The following CLMP variants were observed in gnomAD, a reference collection of about 807,000 sequenced individuals.
CLMP encodes the protein CXADR like cell adhesion molecule.
Under a neutral mutation model 45.2 loss-of-function variants are expected in CLMP, and 27 were observed. The observed-to-expected ratio is 0.60, with a 90% confidence interval of 0.44 to 0.82. CLMP has a LOEUF of 0.82. CLMP is among the 40% of genes least tolerant of loss of function. The pLI, the probability that CLMP is intolerant of heterozygous loss-of-function variation, is 0.00. For synonymous variants in CLMP, 167 were observed against 171.4 expected (o/e 0.97, Z 0.20); for missense variants, 403 against 448.4 (o/e 0.90, Z 0.91).
intron 1 of CLMP, among the ~76,000 whole-genome samples, chr11:123,105,631 C>T (rs1860533503): frequency 6.6e-6 from 1 of 151,254 alleles, no homozygotes; most frequent in East Asian, 2.0e-4. Flanking sequence ...GGTTTTGCCA[C>T]GTTTGTCAGG....
At chr11:123,153,950 T>C (rs1861377112) in intron 1 of CLMP, among the ~76,000 whole-genome samples, 1 of 151,758 alleles carries the variant, frequency 6.6e-6, no homozygotes, top group Admixed American at 6.6e-5. Context: ...CCTCCCAAAG[T>C]GCTAGGATTA....
chr11:123,104,399 T>C (rs545931475), intron 1 of CLMP, among the ~76,000 whole-genome samples: 11 of 149,868 alleles, frequency 7.3e-5, no homozygotes, highest in South Asian at 2.1e-4. Flanking sequence ...ATTTTTTTTT[T>C]CCCCAGACGG....
intron 1 of CLMP, among the ~76,000 whole-genome samples, chr11:123,177,760 A>G (rs545783370): frequency 2.0e-5 from 3 of 152,354 alleles, no homozygotes; most frequent in South Asian, 4.1e-4. Flanking sequence ...TTTCATGGGC[A>G]TATATGAAAC....
chr11:123,085,815 C>T (rs1343832113), intron 2 of CLMP, among the ~76,000 whole-genome samples: 3 of 141,804 alleles, frequency 2.1e-5, no homozygotes, highest in African/African-American at 2.6e-5. Context: ...TCACTCTTGT[C>T]GCCCGGTCTG....
chr11:123,151,365 CT>C (rs1461628269), intron 1 of CLMP, among the ~76,000 whole-genome samples: 2 of 152,230 alleles, frequency 1.3e-5, no homozygotes, highest in Non-Finnish European at 2.9e-5. Flanking sequence ...AGAGAGATGT[CT>C]TTCAGGACAG....
intron 1 of CLMP, among the ~76,000 whole-genome samples, chr11:123,179,960 C>T (rs544775157): frequency 1.3e-5 from 2 of 152,300 alleles, no homozygotes; most frequent in East Asian, 3.9e-4. Context: ...AGTCCTAGGC[C>T]TCACCCTAGA....
chr11:123,081,456 A>G (rs1476784489), intron 5 of CLMP, among the ~76,000 whole-genome samples: 1 of 152,206 alleles, frequency 6.6e-6, no homozygotes, highest in African/African-American at 2.4e-5. Context: ...AAAAGTCTGA[A>G]GTTACTAAAT....
intron 1 of CLMP, among the ~76,000 whole-genome samples, chr11:123,149,496 A>G (rs1212332918): frequency 6.6e-6 from 1 of 152,188 alleles, no homozygotes; most frequent in Admixed American, 6.5e-5. Context: ...TTTATCTTGG[A>G]GTTGACTTCA....
At position 123,129,430 on chromosome 11, in the gene CLMP, TATATATCATATGATATATTATATAAA is replaced by T. The variant is rs1565391364; in HGVS notation, c.29-31504_29-31479del. Among the ~76,000 whole-genome samples the T allele has an allele frequency of 3.2e-4, 31 of 96,550 alleles. No homozygotes were observed. In the South Asian group the frequency reaches 8.1e-3, roughly 25 times the overall value. 63.3% of individuals were successfully genotyped at this position (96,550 alleles called of 152,430 possible). A position where few individuals can be genotyped will look rare whatever the true frequency, so the allele number is the denominator to read the frequency against. ...ATATCATATGATATATTATATAAAA[TATATATCATATGATATATTATATAAA>T]ATATATCATATGATATATTATAGAT... On this transcript the variant is annotated intron_variant, in intron 1 of 6. Coordinates refer to ENST00000448775, the MANE Select transcript of CLMP (RefSeq NM_024769.5).
chr11:123,098,691 A>G (rs1376652601), intron 1 of CLMP, among the ~76,000 whole-genome samples: 1 of 142,606 alleles, frequency 7.0e-6, no homozygotes, highest in East Asian at 2.1e-4. Flanking sequence ...ACATGCCACC[A>G]TCCTGGCTAA....
At chr11:123,125,266 C>T (rs1190549239) in intron 1 of CLMP, among the ~76,000 whole-genome samples, 1 of 152,192 alleles carries the variant, frequency 6.6e-6, no homozygotes, top group Non-Finnish European at 1.5e-5. Context: ...TGTCCCAAAT[C>T]TCCAAGGTCC....
intron 1 of CLMP, among the ~76,000 whole-genome samples, chr11:123,165,160 T>G (rs1477714320): frequency 6.6e-6 from 1 of 152,176 alleles, no homozygotes; most frequent in African/African-American, 2.4e-5. Context: ...ATATCCACCA[T>G]AGCATCTTCT....
At chr11:123,108,965 A>T (rs1014206787) in intron 1 of CLMP, among the ~76,000 whole-genome samples, 7 of 150,380 alleles carry the variant, frequency 4.7e-5, no homozygotes, top group Non-Finnish European at 1.0e-4. Context: ...AGGCTGAGGC[A>T]GGAGAATCGC....
At chr11:123,118,022 G>T (rs1234035859) in intron 1 of CLMP, among the ~76,000 whole-genome samples, 2 of 152,176 alleles carry the variant, frequency 1.3e-5, no homozygotes. Context: ...ATATTCTTAT[G>T]AATGTGTTCA....
rs947975658 is a variant in CLMP at position 123,141,223 on chromosome 11, C to T, written c.29-43271G>A. 1.1e-4 allele frequency among the ~76,000 whole-genome samples: 11 copies of T among 96,736 alleles called. No individual in the cohort carries two copies. In the East Asian group the frequency reaches 1.2e-3, roughly 11 times the overall value. The allele number at this position is 96,736 out of a possible 152,430, so 63.5% of individuals were successfully genotyped here. The stretch of plus-strand genomic sequence containing the variant: ...TTTTTGAGACGAAGTCTCACTTTGT[C>T]GCCCAGGCTGGAGTGCAGTGATACG... On this transcript the variant is annotated intron_variant, in intron 1 of 6. Transcript: ENST00000448775.
At chr11:123,134,185 G>A (rs984972916) in intron 1 of CLMP, among the ~76,000 whole-genome samples, 2 of 151,548 alleles carry the variant, frequency 1.3e-5, no homozygotes, top group African/African-American at 2.4e-5. Context: ...ACTGGAACCT[G>A]GGAGGGGGAG....
chr11:123,142,816 C>A (rs927583376), intron 1 of CLMP, among the ~76,000 whole-genome samples: 1 of 148,692 alleles, frequency 6.7e-6, no homozygotes, highest in Non-Finnish European at 1.5e-5. Flanking sequence ...TTAGTAGAGA[C>A]GGGGTTTCAC....
chr11:123,073,742 A>G lies in CLMP; in HGVS notation c.854T>C (p.Val285Ala). 1 of 1,607,990 alleles carries G rather than the reference A, an allele frequency of 6.2e-7. No homozygotes were observed. Among genetic ancestry groups the G allele is most frequent in the Non-Finnish European group, 8.5e-7 (1 of 1,177,050 alleles). ...GCCTGAGGAAGAGGAGCTGGGTTTC[A>G]CAAGACGGGCTTTTGGAGCTTCAGC... ...EDAEAPKARLVKPSSSSSGSR... is the reference protein window; with the variant it reads ...EDAEAPKARLAKPSSSSSGSR... Residue 285 changes from valine (V) to alanine (A), a missense_variant, in exon 7 of 7, where the codon GTG (valine) becomes GCG (alanine). Val to Ala is a moderately conservative substitution (Grantham distance 64, BLOSUM62 0). Coordinates refer to ENST00000448775, the MANE Select transcript of CLMP (RefSeq NM_024769.5).
intron 1 of CLMP, among the ~76,000 whole-genome samples, chr11:123,167,054 C>T (rs1861567571): frequency 6.6e-6 from 1 of 152,126 alleles, no homozygotes; most frequent in South Asian, 2.1e-4. Context: ...GCACTAGGTA[C>T]CTTGGGGTAA....
Sources: allele counts gnomAD v4.1 joint callset (sites outside exome capture counted in the v4.1 genomes callset), GRCh38; gene constraint gnomAD v4.1.1; transcripts MANE v1.5; gene names NCBI Gene and HGNC (gene_info 2026-07-23, HGNC 2026-07-21).